RUNX1T1: variants seen among roughly 807,000 people sequenced by gnomAD.
The protein encoded by RUNX1T1 is protein CBFA2T1.
A neutral mutation model predicts 62.8 loss-of-function variants in RUNX1T1; 4 were observed. The observed-to-expected ratio is 0.06, with a 90% confidence interval of 0.03 to 0.15. The LOEUF is 0.15. Among genes scored for constraint, RUNX1T1 ranks in the 10% least tolerant of loss-of-function variants. RUNX1T1 has a pLI of 1.00. For missense variants in RUNX1T1, 508 were observed against 754.3 expected (o/e 0.67, Z 3.82); for synonymous variants, 291 against 286.0 (o/e 1.02, Z -0.18).
At chr8:92,004,750 G>A (rs563669026) in intron 5 of RUNX1T1, 139 of 172,222 alleles carry the variant, frequency 8.1e-4, no homozygotes, top group African/African-American at 3.2e-3. Context: ...GCCAATTTCA[G>A]AATATTGAAG....
chr8:92,027,799 T>C (rs1163122666), intron 1 of RUNX1T1, among the ~76,000 whole-genome samples: 2 of 151,982 alleles, frequency 1.3e-5, no homozygotes, highest in East Asian at 3.9e-4. Flanking sequence ...GATAAATCTA[T>C]GGCAATCGAT....
intron 4 of RUNX1T1, 125 bp from the exon 6 acceptor site, chr8:92,005,422 C>T: frequency 2.5e-6 from 2 of 794,054 alleles, no homozygotes; most frequent in Non-Finnish European, 1.9e-6. Flanking sequence ...CAAATGCATG[C>T]CATGGGCTGG....
At chr8:92,000,923 T>C (rs1037479591) in intron 5 of RUNX1T1, among the ~76,000 whole-genome samples, 2 of 152,254 alleles carry the variant, frequency 1.3e-5, no homozygotes, top group African/African-American at 4.8e-5. Flanking sequence ...CATTAAAACA[T>C]ATTTTATGCA....
At chr8:91,981,659 C>T (rs1264941016) in intron 8 of RUNX1T1, among the ~76,000 whole-genome samples, 1 of 151,824 alleles carries the variant, frequency 6.6e-6, no homozygotes, top group Non-Finnish European at 1.5e-5. Context: ...TCATGATCTG[C>T]CCGCCTCGGC....
intron 4 of RUNX1T1, chr8:92,010,334 T>C (rs1821684744): frequency 6.6e-6 from 1 of 152,276 alleles, no homozygotes; most frequent in African/African-American, 2.4e-5. Context: ...ATCTTAGTAA[T>C]CTGCTTTTCT....
chr8:92,055,047 C>G (rs1198095666), intron 1 of RUNX1T1, among the ~76,000 whole-genome samples: 1 of 152,040 alleles, frequency 6.6e-6, no homozygotes. Flanking sequence ...ATACACTCAG[C>G]ACAAACTGAT....
intron 4 of RUNX1T1, among the ~76,000 whole-genome samples, chr8:92,006,932 A>G (rs1236381990): frequency 6.6e-6 from 1 of 152,174 alleles, no homozygotes; most frequent in Admixed American, 6.5e-5. Context: ...AAATACTAGG[A>G]TATTTGCTAA....
chr8:91,974,471 T>G (rs941100004), intron 9 of RUNX1T1, among the ~76,000 whole-genome samples: 1 of 152,136 alleles, frequency 6.6e-6, no homozygotes, highest in South Asian at 2.1e-4. Flanking sequence ...AAAAGGGAAG[T>G]GCAGAGAAAA....
At chr8:92,041,737 G>C (rs142645354) in intron 1 of RUNX1T1, among the ~76,000 whole-genome samples, 2 of 151,630 alleles carry the variant, frequency 1.3e-5, no homozygotes, top group Admixed American at 1.3e-4. Context: ...GCACTACTCT[G>C]TCCCAAATAA....
At chr8:92,033,340 T>C (rs548038569) in intron 1 of RUNX1T1, among the ~76,000 whole-genome samples, 10 of 152,360 alleles carry the variant, frequency 6.6e-5, no homozygotes, top group Non-Finnish European at 1.0e-4. Context: ...TTTTACAAGA[T>C]CCTGTTTTTT....
chr8:92,065,932 A>T (rs1832810938), upstream of RUNX1T1, among the ~76,000 whole-genome samples: 3 of 152,202 alleles, frequency 2.0e-5, no homozygotes, highest in South Asian at 6.2e-4. Flanking sequence ...AATACACCCA[A>T]CCAAATACTT....
chr8:92,049,368 C>T (rs1189510073), intron 1 of RUNX1T1, among the ~76,000 whole-genome samples: 2 of 152,098 alleles, frequency 1.3e-5, no homozygotes, highest in African/African-American at 2.4e-5. Flanking sequence ...CTGTGATGCC[C>T]ACCTCCCAAT....
rs1424847852 is a variant in RUNX1T1, at chr8:92,027,135, G to GAAAAAC, written c.8-9778_8-9773dup. On this transcript the variant is annotated intron_variant, in intron 1 of 10. Coordinates refer to ENST00000396218, the Ensembl canonical transcript of RUNX1T1. Reference sequence around the variant, plus strand: ...CGTCTCAAAAAAAAAAAAAAAAAAAGAAAAACAAACAAACAAAAAAAGCAT... The same window carrying GAAAAAC: ...CGTCTCAAAAAAAAAAAAAAAAAAAGAAAAACAAAAACAAACAAACAAAAAAAGCAT... Among the ~76,000 whole-genome samples, 470 of 141,814 alleles carry GAAAAAC rather than the reference G, an allele frequency of 3.3e-3. 16 individuals are homozygous for GAAAAAC. Among genetic ancestry groups the GAAAAAC allele is most frequent in the Non-Finnish European group, 4.0e-3 (262 of 65,408 alleles). The allele number at this position is 141,814 out of a possible 152,430, so 93.0% of individuals were successfully genotyped here.
At position 92,017,356 on chromosome 8, in the gene RUNX1T1, A is replaced by G. The variant is rs1823220938; in HGVS notation, c.15T>C (p.Thr5=). Residue 5 remains threonine (T), a synonymous_variant, in exon 2 of 11, where the codon ACT becomes ACC. Transcript: ENST00000396218. ...AGTCTGGCATTGTGGAGTGCTTCTC[A>G]GTACGATCTGGAGGATGCCACCAGG... 1.9e-6 allele frequency: 3 copies of G among 1,614,026 alleles called. No homozygotes were observed. In the East Asian group the frequency reaches 6.7e-5, roughly 36 times the overall value.
intron 1 of RUNX1T1, among the ~76,000 whole-genome samples, chr8:92,054,061 T>C (rs969055678): frequency 4.9e-5 from 7 of 143,700 alleles, no homozygotes; most frequent in African/African-American, 1.8e-4. Flanking sequence ...GGGGAAGAAG[T>C]GGGGGACAGA....
chr8:92,024,497 C>CAAAA (rs34547904), intron 1 of RUNX1T1, among the ~76,000 whole-genome samples: 643 of 17,544 alleles, frequency 0.037, 140 homozygotes, highest in African/African-American at 0.092. Context: ...AACCCCAACT[C>CAAAA]AAAAAAAAAA....
intron 1 of RUNX1T1, among the ~76,000 whole-genome samples, chr8:92,087,306 T>G (rs145732511): frequency 1.3e-5 from 2 of 152,106 alleles, no homozygotes; most frequent in African/African-American, 2.4e-5. Flanking sequence ...CTGCTCTCAT[T>G]TCCCACTCAA....
intron 1 of RUNX1T1, among the ~76,000 whole-genome samples, chr8:92,087,132 T>C (rs1836249364): frequency 6.6e-6 from 1 of 152,186 alleles, no homozygotes; most frequent in Non-Finnish European, 1.5e-5. Context: ...TATTCTGCTT[T>C]TATGGTGGTT....
rs191465841 is a variant in RUNX1T1, at chr8:92,015,952, A to G, written c.146-1132T>C. Among the ~76,000 whole-genome samples, 117 of 152,324 alleles carry G rather than the reference A, an allele frequency of 7.7e-4. 1 individual carries two copies. The highest frequency in any genetic ancestry group is 7.2e-3 in the South Asian group (35 of 4,832). ...TAAGATGACACGGTTACAACTTGGCATTGCACAGTCACCTGCTCCTTACAC... is the reference window on the plus strand; with the variant it reads ...TAAGATGACACGGTTACAACTTGGCGTTGCACAGTCACCTGCTCCTTACAC... On this transcript the variant is annotated intron_variant, in intron 2 of 10. Coordinates refer to ENST00000396218, the Ensembl canonical transcript of RUNX1T1.
Sources: allele counts gnomAD v4.1 joint callset (sites outside exome capture counted in the v4.1 genomes callset), GRCh38; gene constraint gnomAD v4.1.1; transcripts MANE v1.5; gene names NCBI Gene and HGNC (gene_info 2026-07-23, HGNC 2026-07-21).